PLEKHA1: variants seen among roughly 807,000 people sequenced by gnomAD.
PLEKHA1 encodes the protein pleckstrin homology domain containing A1.
A neutral mutation model predicts 52.0 loss-of-function variants in PLEKHA1; 34 were observed. That is an observed-to-expected ratio of 0.65 (90% CI 0.50 to 0.87). The LOEUF (loss-of-function observed/expected upper bound fraction) is 0.87, where lower values mean the gene tolerates loss of function less well. Among genes scored for constraint, PLEKHA1 ranks in the 40% least tolerant of loss-of-function variants. The pLI, the probability that PLEKHA1 is intolerant of heterozygous loss-of-function variation, is 0.00. For synonymous variants in PLEKHA1, 163 were observed against 170.7 expected (o/e 0.95, Z 0.35); for missense variants, 497 against 504.2 (o/e 0.99, Z 0.14).
intron 1 of PLEKHA1, among the ~76,000 whole-genome samples, chr10:122,385,511 T>G (rs1388943549): frequency 6.6e-6 from 1 of 152,046 alleles, no homozygotes; most frequent in African/African-American, 2.4e-5. Context: ...AGACGGGGCT[T>G]CTCCGTGTTG....
chr10:122,401,132 T>TG (rs1002875299), intron 4 of PLEKHA1, among the ~76,000 whole-genome samples: 2 of 152,036 alleles, frequency 1.3e-5, no homozygotes, highest in African/African-American at 4.8e-5. Context: ...CAGAGGCTTG[T>TG]GGGGAGAAGA....
chr10:122,428,900 T>C (rs551283003), intron 11 of PLEKHA1, among the ~76,000 whole-genome samples: 189 of 152,352 alleles, frequency 1.2e-3, no homozygotes, highest in African/African-American at 4.5e-3. Flanking sequence ...TTTTCAGATT[T>C]GATCTAGTTA....
rs377353810 is a variant in PLEKHA1, at chr10:122,424,302, T to C, written c.746+39T>C. 19 of 1,562,158 alleles carry C rather than the reference T, an allele frequency of 1.2e-5. No individual in the cohort carries two copies. In the African/African-American group the frequency reaches 2.0e-4, roughly 16 times the overall value. Reference sequence around the variant, plus strand: ...CTGACTTGATGCCTGGCACAAGTTATAAACACAGAATAGTGCCTTAGTTTG... The same window carrying C: ...CTGACTTGATGCCTGGCACAAGTTACAAACACAGAATAGTGCCTTAGTTTG... On this transcript the variant is annotated intron_variant, in intron 9 of 11. Coordinates refer to ENST00000368990, the MANE Select transcript of PLEKHA1 (RefSeq NM_001001974.4).
intron 4 of PLEKHA1, among the ~76,000 whole-genome samples, chr10:122,402,793 A>G (rs2096949290): frequency 6.6e-6 from 1 of 152,224 alleles, no homozygotes; most frequent in South Asian, 2.1e-4. Context: ...ATTTAGGGGC[A>G]CTAGTCCCAG....
intron 6 of PLEKHA1, among the ~76,000 whole-genome samples, chr10:122,413,724 C>T (rs1372507657): frequency 6.6e-6 from 1 of 151,938 alleles, no homozygotes; most frequent in Non-Finnish European, 1.5e-5. Flanking sequence ...CTTGTCTGAG[C>T]TTGAATTTCT....
chr10:122,401,792 A>C (rs1208212662), intron 4 of PLEKHA1, among the ~76,000 whole-genome samples: 1 of 152,218 alleles, frequency 6.6e-6, no homozygotes, highest in East Asian at 1.9e-4. Context: ...TGGAGTGGTC[A>C]ACTAACATCA....
chr10:122,380,558 G>A lies in PLEKHA1; in HGVS notation c.-21+5752G>A, dbSNP rs201129995. ...GGGAATCTTGTCTGGTGAGTCCAGC[G>A]GCCAAATGAATGAGTAAGGTGGGTA... is the stretch of plus-strand genomic sequence containing the variant. On this transcript the variant is annotated intron_variant, in intron 1 of 11. Coordinates refer to ENST00000368990, the MANE Select transcript of PLEKHA1 (RefSeq NM_001001974.4). 8.5e-5 allele frequency among the ~76,000 whole-genome samples: 13 copies of A among 152,252 alleles called. No individual in the cohort carries two copies. The East Asian group carries it at 1.2e-3, about 14-fold the overall frequency.
intron 6 of PLEKHA1, among the ~76,000 whole-genome samples, chr10:122,414,838 G>A (rs1018742260): frequency 6.6e-6 from 1 of 152,154 alleles, no homozygotes; most frequent in East Asian, 1.9e-4. Flanking sequence ...CTCAGGTGTT[G>A]CTGGTGGGAA....
chr10:122,413,909 A>G (rs919368503), intron 6 of PLEKHA1, among the ~76,000 whole-genome samples: 27 of 152,218 alleles, frequency 1.8e-4, no homozygotes, highest in Non-Finnish European at 1.5e-5. Flanking sequence ...ATCAAATTGT[A>G]TCATTCCCCA....
intron 1 of PLEKHA1, among the ~76,000 whole-genome samples, chr10:122,377,726 C>CT: frequency 6.6e-6 from 1 of 152,076 alleles, no homozygotes. Context: ...CCCTAAGTAA[C>CT]TTTTTTTCTT....
chr10:122,396,722 A>G (rs917419021), intron 2 of PLEKHA1, among the ~76,000 whole-genome samples: 11 of 152,092 alleles, frequency 7.2e-5, no homozygotes, highest in African/African-American at 2.7e-4. Flanking sequence ...TATCTCCAGC[A>G]GAAATAATTT....
intron 1 of PLEKHA1, among the ~76,000 whole-genome samples, chr10:122,378,600 G>GTGGC (rs1171532966): frequency 2.0e-5 from 3 of 151,998 alleles, no homozygotes; most frequent in Non-Finnish European, 4.4e-5. Context: ...GCCGGGCGTG[G>GTGGC]TGGCATGTGC....
At chr10:122,378,182 AC>A (rs1333188292) in intron 1 of PLEKHA1, among the ~76,000 whole-genome samples, 1 of 152,194 alleles carries the variant, frequency 6.6e-6, no homozygotes, top group Non-Finnish European at 1.5e-5. Flanking sequence ...GTAGCATCTT[AC>A]CCGGTACAGT....
intron 1 of PLEKHA1, among the ~76,000 whole-genome samples, chr10:122,377,371 T>A (rs1167756364): frequency 1.3e-5 from 2 of 152,162 alleles, no homozygotes. Context: ...AGTTTACTTT[T>A]GTTAATATTA....
In PLEKHA1 at chr10:122,378,995, G is replaced by A. The variant is rs183431321; in HGVS notation, c.-21+4189G>A. On this transcript the variant is annotated intron_variant, in intron 1 of 11. Coordinates refer to ENST00000368990, the MANE Select transcript of PLEKHA1 (RefSeq NM_001001974.4). ...GAGAAGTAGAAAAAGACAAGTGTTTGTTATCTGGTGCTATTAGAGTCCTCT... is the reference window on the plus strand; with the variant it reads ...GAGAAGTAGAAAAAGACAAGTGTTTATTATCTGGTGCTATTAGAGTCCTCT... 3.9e-5 allele frequency among the ~76,000 whole-genome samples: 6 copies of A among 152,250 alleles called. No homozygotes were observed. In the East Asian group the frequency reaches 9.7e-4, roughly 25 times the overall value.
intron 1 of PLEKHA1, among the ~76,000 whole-genome samples, chr10:122,392,555 G>A (rs796786339): frequency 2.6e-5 from 4 of 152,212 alleles, no homozygotes; most frequent in African/African-American, 9.6e-5. Context: ...GTTTTTTAGA[G>A]AGGATGGTGT....
chr10:122,392,103 C>CT (rs2096784381), intron 1 of PLEKHA1, among the ~76,000 whole-genome samples: 1 of 152,146 alleles, frequency 6.6e-6, no homozygotes, highest in African/African-American at 2.4e-5. Context: ...AATCACATGT[C>CT]TGTAGTCTCT....
intron 1 of PLEKHA1, among the ~76,000 whole-genome samples, chr10:122,375,178 C>T (rs539476912): frequency 4.9e-4 from 75 of 152,078 alleles, no homozygotes; most frequent in African/African-American, 1.7e-3. Flanking sequence ...CGACGAGCTC[C>T]TCGGCGTCTC....
chr10:122,409,481 T>G (rs894063216), intron 5 of PLEKHA1, among the ~76,000 whole-genome samples: 1 of 152,240 alleles, frequency 6.6e-6, no homozygotes, highest in African/African-American at 2.4e-5. Flanking sequence ...AATATGGTGG[T>G]TTCTGTTCCC....
Sources: gnomAD v4.1 joint callset for allele counts (sites outside exome capture counted in the v4.1 genomes callset) on GRCh38, gnomAD v4.1.1 for gene constraint, MANE v1.5 for transcripts, NCBI Gene and HGNC (gene_info 2026-07-23, HGNC 2026-07-21) for gene names.